Variants in CAPZB observed in about 807,000 individuals in gnomAD.
The protein encoded by CAPZB is F-actin-capping protein subunit beta.
A neutral mutation model predicts 38.1 loss-of-function variants in CAPZB; 2 were observed. That is an observed-to-expected ratio of 0.05 (90% CI 0.02 to 0.17). The LOEUF (loss-of-function observed/expected upper bound fraction) is 0.17, where lower values mean the gene tolerates loss of function less well. CAPZB is among the 10% of genes least tolerant of loss of function. The probability of loss-of-function intolerance (pLI) is 1.00; values close to 1 mark genes in which losing one functional copy is unlikely to be tolerated. For missense variants in CAPZB, 161 were observed against 334.2 expected (o/e 0.48, Z 4.04); for synonymous variants, 107 against 127.4 (o/e 0.84, Z 1.08).
chr1:19,484,502 G>A, intron 1 of CAPZB: 5 of 1,377,284 alleles, frequency 3.6e-6, no homozygotes, highest in Non-Finnish European at 4.7e-6. Context: ...GCAGCGCGCT[G>A]CCTTCTGGGC....
In CAPZB at chr1:19,458,465, C is replaced by G. The variant is rs1160901569; in HGVS notation, c.3+26971G>C. On this transcript the variant is annotated intron_variant, in intron 1 of 8. Transcript: ENST00000264202. ...CACCTCCCGGGTTCAAGTGATTCTCCTGCCTCAGCCTCCCAAGTAGCTGGG... is the reference window on the plus strand; with the variant it reads ...CACCTCCCGGGTTCAAGTGATTCTCGTGCCTCAGCCTCCCAAGTAGCTGGG... 1.3e-5 allele frequency among the ~76,000 whole-genome samples: 2 copies of G among 152,210 alleles called. 1 individual carries two copies. Among genetic ancestry groups the G allele is most frequent in the South Asian group, 4.1e-4 (2 of 4,836 alleles).
intron 1 of CAPZB, among the ~76,000 whole-genome samples, chr1:19,479,886 T>A (rs1040403657): frequency 1.1e-4 from 16 of 152,140 alleles, no homozygotes; most frequent in Non-Finnish European, 2.2e-4. Flanking sequence ...AGGCACCCCA[T>A]GGGCTCGCAT....
chr1:19,388,193 C>T (rs1570087375), intron 2 of CAPZB, among the ~76,000 whole-genome samples: 1 of 152,312 alleles, frequency 6.6e-6, no homozygotes, highest in South Asian at 2.1e-4. Context: ...ATCTATGAAT[C>T]GAAAGCATCT....
chr1:19,409,147 T>C (rs971113387), intron 2 of CAPZB, among the ~76,000 whole-genome samples: 8 of 152,138 alleles, frequency 5.3e-5, no homozygotes, highest in African/African-American at 1.9e-4. Flanking sequence ...CAGTTCTTTT[T>C]TTATTAACTG....
At chr1:19,367,650 G>A (rs990345736) in intron 4 of CAPZB, among the ~76,000 whole-genome samples, 5 of 152,182 alleles carry the variant, frequency 3.3e-5, no homozygotes, top group Admixed American at 2.0e-4. Flanking sequence ...CAGGTATTCA[G>A]CGGAAATTCC....
At chr1:19,484,682 G>A in intron 1 of CAPZB, 5 of 1,137,238 alleles carry the variant, frequency 4.4e-6, no homozygotes, top group African/African-American at 1.6e-5. Flanking sequence ...CCTGGGTCGT[G>A]CACCAGGCAG....
chr1:19,392,463 C>G (rs1364131027), intron 2 of CAPZB, among the ~76,000 whole-genome samples: 2 of 150,674 alleles, frequency 1.3e-5, no homozygotes, highest in African/African-American at 4.9e-5. Context: ...TGAGGCAGCA[C>G]GCAGCACCTC....
rs1178705380 is a variant in CAPZB at position 19,385,562 on chromosome 1, T to G, written c.158A>C (p.Lys53Thr). 5 of 1,614,096 alleles carry G rather than the reference T, an allele frequency of 3.1e-6. No homozygotes were observed. The highest frequency in any genetic ancestry group is 3.4e-6 in the Non-Finnish European group (4 of 1,180,006). ...CAAAAGGTAATCCTTTCCCACCACCTTGTCTCTGGCAATTTTCAGTGGCTG... is the reference window on the plus strand; with the variant it reads ...CAAAAGGTAATCCTTTCCCACCACCGTGTCTCTGGCAATTTTCAGTGGCTG... ...VDQPLKIARDKVVGKDYLLCD... is the reference protein window; with the variant it reads ...VDQPLKIARDTVVGKDYLLCD... The change falls in exon 3 of 9, where the codon AAG (lysine) becomes ACG (threonine). Residue 53 changes from lysine to threonine, a missense_variant. Physicochemically the swap from Lys to Thr is moderately conservative, Grantham distance 78. Coordinates refer to ENST00000264202, the MANE Select transcript of CAPZB (RefSeq NM_004930.5).
At chr1:19,383,116 CA>C (rs34245294) in intron 3 of CAPZB, among the ~76,000 whole-genome samples, 100,803 of 128,224 alleles carry the variant, frequency 0.79, 38,803 homozygotes, top group South Asian at 0.86. Flanking sequence ...CCCATCTCTA[CA>C]AAAAAAAAAA....
At chr1:19,398,078 C>T (rs2094282222) in intron 2 of CAPZB, among the ~76,000 whole-genome samples, 1 of 152,092 alleles carries the variant, frequency 6.6e-6, no homozygotes, top group Non-Finnish European at 1.5e-5. Context: ...AGGAGTCACA[C>T]GGCCAGGCAA....
At chr1:19,429,884 A>G (rs2094436652) in intron 1 of CAPZB, among the ~76,000 whole-genome samples, 1 of 152,058 alleles carries the variant, frequency 6.6e-6, no homozygotes, top group Non-Finnish European at 1.5e-5. Flanking sequence ...GACGGAGCAC[A>G]TGGCTTCCCT....
intron 2 of CAPZB, among the ~76,000 whole-genome samples, chr1:19,415,814 C>T (rs1044626504): frequency 6.6e-6 from 1 of 152,258 alleles, no homozygotes; most frequent in Non-Finnish European, 1.5e-5. Flanking sequence ...GCTGGGATTA[C>T]AGGCATGGGC....
rs573974837 is a variant in CAPZB at position 19,384,482 on chromosome 1, G to A, written c.215+1023C>T. ...TGAGTAAAGAAACACTACTATTTCC[G>A]TTTTACAGATGACAAAACTAAAAGA... On this transcript the variant is annotated intron_variant, in intron 3 of 8. Coordinates refer to ENST00000264202, the MANE Select transcript of CAPZB (RefSeq NM_004930.5). Among the ~76,000 whole-genome samples, 7 of 152,252 alleles carry A rather than the reference G, an allele frequency of 4.6e-5. No homozygotes were observed. The South Asian group carries it at 6.2e-4, about 14-fold the overall frequency.
At chr1:19,361,268 G>T (rs1295358716) in intron 4 of CAPZB, among the ~76,000 whole-genome samples, 1 of 152,234 alleles carries the variant, frequency 6.6e-6, no homozygotes, top group Non-Finnish European at 1.5e-5. Context: ...CTGAATCGGG[G>T]TGTTCCAACT....
intron 3 of CAPZB, among the ~76,000 whole-genome samples, chr1:19,382,870 T>C (rs2094182727): frequency 6.6e-6 from 1 of 152,092 alleles, no homozygotes; most frequent in Non-Finnish European, 1.5e-5. Flanking sequence ...CCAGGAAGCG[T>C]TCCCTGAACT....
intron 2 of CAPZB, among the ~76,000 whole-genome samples, chr1:19,404,232 CAAAAAAAAAAAAA>C (rs35225006): frequency 1.3e-4 from 8 of 62,432 alleles, no homozygotes; most frequent in Non-Finnish European, 2.1e-4. Flanking sequence ...GACTCCATCT[CAAAAAAAAAAAAA>C]AAAAAAAAAA....
rs1387685405 is a variant in CAPZB, at chr1:19,356,787, G to T, written c.472-36C>A. The T allele has an allele frequency of 1.4e-6, 2 of 1,480,904 alleles. No individual in the cohort carries two copies. The highest frequency in any genetic ancestry group is 1.9e-6 in the Non-Finnish European group (2 of 1,061,192). 91.7% of individuals were successfully genotyped at this position (1,480,904 alleles called of 1,614,324 possible). A position where few individuals can be genotyped will look rare whatever the true frequency, so the allele number is the denominator to read the frequency against. On this transcript the variant is annotated intron_variant, in intron 5 of 8. Transcript: ENST00000264202. This position sits in a 1 kb window ranked among gnomAD's most constrained non-coding sequence, Gnocchi z 4.3. ...AAGACAGAGATCTGTTGAGCTGAGG[G>T]AGAGCCTGAAGTGGCCCCTGGAATT...
Position 19,385,390 on chromosome 1 carries a change from A to G in CAPZB, c.215+115T>C, listed in dbSNP as rs143443095. On this transcript the variant is annotated intron_variant, in intron 3 of 8. Transcript: ENST00000264202. ...GGAGGGCAGGGAACAAACGGAAGGAAAGCTGAATGGGCTGCCAGCTGCCCA... is the reference window on the plus strand; with the variant it reads ...GGAGGGCAGGGAACAAACGGAAGGAGAGCTGAATGGGCTGCCAGCTGCCCA... 5.5e-3 allele frequency: 6,566 copies of G among 1,186,308 alleles called. 22 individuals are homozygous for G. Among genetic ancestry groups the G allele is most frequent in the Non-Finnish European group, 7.1e-3 (5,787 of 819,966 alleles). 73.5% of individuals were successfully genotyped at this position (1,186,308 alleles called of 1,614,324 possible). A position where few individuals can be genotyped will look rare whatever the true frequency, so the allele number is the denominator to read the frequency against.
At chr1:19,443,204 A>G (rs566545325) in intron 1 of CAPZB, among the ~76,000 whole-genome samples, 98 of 151,394 alleles carry the variant, frequency 6.5e-4, no homozygotes, top group African/African-American at 2.3e-3. Context: ...CCTGGGCAAC[A>G]TACTGAGATC....
Sources: allele counts gnomAD v4.1 joint callset (sites outside exome capture counted in the v4.1 genomes callset), GRCh38; gene constraint gnomAD v4.1.1; non-coding constraint Gnocchi (gnomAD v3.1); transcripts MANE v1.5; gene names NCBI Gene and HGNC (gene_info 2026-07-23, HGNC 2026-07-21).